DLGAP2: variants seen among roughly 807,000 people sequenced by gnomAD.
DLGAP2 encodes DLG associated protein 2, also known as disks large-associated protein 2.
A neutral mutation model predicts 100.3 loss-of-function variants in DLGAP2; 26 were observed. The observed-to-expected ratio is 0.26, with a 90% CI of 0.19 to 0.36. DLGAP2 has a LOEUF of 0.36. Among genes scored for constraint, DLGAP2 ranks in the 10% least tolerant of loss-of-function variants. DLGAP2 has a pLI of 1.00. For missense variants in DLGAP2, 1,858 were observed against 1,453.2 expected, an observed-to-expected ratio of 1.28 and a Z score of -4.53; for synonymous variants, 886 against 630.1, an observed-to-expected ratio of 1.41 and a Z score of -6.08.
chr8:1,626,825 T>A lies in DLGAP2; in HGVS notation c.1528T>A (p.Ser510Thr). Reference sequence around the variant, plus strand: ...GAACTACAACTCCCCGAAATTCCGCTCCCGGAACCAGAGCTACATGAGGGC... The same window carrying A: ...GAACTACAACTCCCCGAAATTCCGCACCCGGAACCAGAGCTACATGAGGGC... ...AANYNSPKFR[S>T]RNQSYMRAVS... The change falls in exon 7 of 15, where the codon TCC becomes ACC. Residue 510 changes from serine (S) to threonine (T), a missense_variant. Physicochemically the swap from Ser to Thr is moderately conservative, Grantham distance 58 (BLOSUM62 1). Coordinates refer to ENST00000637795, the MANE Select transcript of DLGAP2 (RefSeq NM_001346810.2). 4 of 1,606,692 alleles carry A rather than the reference T, an allele frequency of 2.5e-6. No individual in the cohort carries two copies. The highest frequency in any genetic ancestry group is 2.3e-5 in the South Asian group (2 of 88,794).
chr8:1,121,112 C>T (rs766833733), intron 2 of DLGAP2, among the ~76,000 whole-genome samples: 2 of 151,804 alleles, frequency 1.3e-5, no homozygotes, highest in Non-Finnish European at 2.9e-5. Flanking sequence ...TCCTTCAGAC[C>T]CCATGACCTC....
intron 3 of DLGAP2, among the ~76,000 whole-genome samples, chr8:1,290,368 C>T (rs1340537971): frequency 1.2e-4 from 18 of 152,226 alleles, no homozygotes; most frequent in Admixed American, 1.2e-3. Context: ...ATGGTGCCTA[C>T]ATAGTGACGG....
rs1798345496 is a variant in DLGAP2 at position 1,222,968 on chromosome 8, G to GA, written c.74-35882dup. ...TAGAGGAGTGTGGCAAGCCTTGGGG[G>GA]ACGGGTGCCCATGGCTGAGCTCCAC... On this transcript the variant is annotated intron_variant, in intron 2 of 14. Transcript: ENST00000637795. Among the ~76,000 whole-genome samples the GA allele has an allele frequency of 2.0e-5, 3 of 152,240 alleles. No homozygotes were observed. In the South Asian group the frequency reaches 6.2e-4, roughly 32 times the overall value.
intron 4 of DLGAP2, among the ~76,000 whole-genome samples, chr8:1,513,570 C>T (rs769735601): frequency 6.6e-6 from 1 of 152,228 alleles, no homozygotes; most frequent in Admixed American, 6.5e-5. Context: ...AGAGACAATA[C>T]TGCCTGGAAA....
At chr8:1,118,704 G>A (rs2129047147) in intron 2 of DLGAP2, among the ~76,000 whole-genome samples, 1 of 152,276 alleles carries the variant, frequency 6.6e-6, no homozygotes, top group East Asian at 1.9e-4. Flanking sequence ...CTGCTATGAG[G>A]ACCGAAAGAA....
chr8:1,265,470 A>G (rs1202877294), intron 3 of DLGAP2, among the ~76,000 whole-genome samples: 1 of 152,244 alleles, frequency 6.6e-6, no homozygotes, highest in Non-Finnish European at 1.5e-5. Context: ...ATGGCTTGAG[A>G]AAGACAAACA....
intron 2 of DLGAP2, among the ~76,000 whole-genome samples, chr8:1,167,377 G>A (rs887803599): frequency 7.2e-5 from 11 of 152,242 alleles, no homozygotes; most frequent in African/African-American, 2.6e-4. Flanking sequence ...GAGTTGCTAA[G>A]CAGGAAGAAA....
chr8:1,297,436 C>T (rs576017562), intron 3 of DLGAP2, among the ~76,000 whole-genome samples: 5 of 148,604 alleles, frequency 3.4e-5, no homozygotes, highest in African/African-American at 7.2e-5. Flanking sequence ...ACAGACACCA[C>T]GCGAGACAGG....
intron 2 of DLGAP2, among the ~76,000 whole-genome samples, chr8:1,243,196 G>A (rs181862376): frequency 2.8e-4 from 42 of 152,330 alleles, no homozygotes; most frequent in African/African-American, 1.0e-3. Context: ...CACACCAGGG[G>A]AGTGAGGACC....
intron 1 of DLGAP2, among the ~76,000 whole-genome samples, chr8:748,544 G>A (rs1820711311): frequency 6.6e-6 from 1 of 152,194 alleles, no homozygotes; most frequent in Non-Finnish European, 1.5e-5. Context: ...AAAAGCAGCA[G>A]AGTCCAAAGC....
intron 2 of DLGAP2, among the ~76,000 whole-genome samples, chr8:919,798 T>C (rs912473312): frequency 2.1e-4 from 32 of 152,384 alleles, no homozygotes; most frequent in Middle Eastern, 3.4e-3. Context: ...GCCATGTGGC[T>C]GTGCTCTCTG....
At chr8:1,193,270 C>G (rs1394750998) in intron 2 of DLGAP2, among the ~76,000 whole-genome samples, 2 of 152,166 alleles carry the variant, frequency 1.3e-5, no homozygotes, top group African/African-American at 4.8e-5. Context: ...AATGGTTGAA[C>G]CAGTTTACTG....
intron 3 of DLGAP2, among the ~76,000 whole-genome samples, chr8:1,449,035 A>T (rs955580814): frequency 6.6e-6 from 1 of 152,218 alleles, no homozygotes; most frequent in Middle Eastern, 3.2e-3. Context: ...GAGGCTCAGC[A>T]CGGGTCAGGG....
chr8:1,051,741 G>C (rs1213456063), intron 2 of DLGAP2, among the ~76,000 whole-genome samples: 2 of 152,058 alleles, frequency 1.3e-5, no homozygotes, highest in African/African-American at 4.8e-5. Context: ...CAGCACAGTG[G>C]CTGTATGAGG....
intron 6 of DLGAP2, among the ~76,000 whole-genome samples, chr8:1,579,065 C>T (rs1474932524): frequency 7.9e-5 from 12 of 152,150 alleles, no homozygotes; most frequent in Admixed American, 7.9e-4. Flanking sequence ...ACTTGAATAA[C>T]TAATTCAATT....
At chr8:1,202,011 A>G (rs990220905) in intron 2 of DLGAP2, among the ~76,000 whole-genome samples, 2 of 150,526 alleles carry the variant, frequency 1.3e-5, no homozygotes, top group South Asian at 4.2e-4. Flanking sequence ...GTGTATACAC[A>G]TGTGTCTATG....
At chr8:778,346 C>T (rs1249534399) in intron 1 of DLGAP2, among the ~76,000 whole-genome samples, 3 of 152,184 alleles carry the variant, frequency 2.0e-5, no homozygotes, top group Admixed American at 2.0e-4. Context: ...TCTCTCAGCT[C>T]GTCAAAGTCA....
intron 3 of DLGAP2, among the ~76,000 whole-genome samples, chr8:1,338,340 C>A (rs12543662): frequency 0.59 from 89,151 of 152,104 alleles, 28,201 homozygotes; most frequent in African/African-American, 0.84. Flanking sequence ...ATGATGGAGC[C>A]CACACCACAT....
intron 1 of DLGAP2, among the ~76,000 whole-genome samples, chr8:771,666 C>G (rs1215047096): frequency 6.6e-6 from 1 of 152,234 alleles, no homozygotes; most frequent in East Asian, 1.9e-4. Context: ...CCCAGAGACG[C>G]ATTGAACACG....
Sources: gnomAD v4.1 joint callset for allele counts (sites outside exome capture counted in the v4.1 genomes callset) on GRCh38, gnomAD v4.1.1 for gene constraint, MANE v1.5 for transcripts, NCBI Gene and HGNC (gene_info 2026-07-23, HGNC 2026-07-21) for gene names.